PPP1R21: variants seen among roughly 807,000 people sequenced by gnomAD.
The protein encoded by PPP1R21 is protein phosphatase 1 regulatory subunit 21.
Under a neutral mutation model 112.8 loss-of-function variants are expected in PPP1R21, and 85 were observed. The observed-to-expected ratio is 0.75, with a 90% CI of 0.63 to 0.90. The LOEUF (loss-of-function observed/expected upper bound fraction) is 0.90, where lower values mean the gene tolerates loss of function less well. PPP1R21 is among the 40% of genes least tolerant of loss of function. The pLI, the probability that PPP1R21 is intolerant of heterozygous loss-of-function variation, is 0.00. For synonymous variants in PPP1R21, 381 were observed against 322.3 expected (o/e 1.18, Z -1.95); for missense variants, 1,199 against 901.5 (o/e 1.33, Z -4.23).
At chr2:48,490,929 C>A in intron 14 of PPP1R21, 89 bp from the exon 15 acceptor site, 1 of 1,162,116 alleles carries the variant, frequency 8.6e-7, no homozygotes, top group Non-Finnish European at 1.2e-6. Flanking sequence ...TTCTCAACAT[C>A]TTTAAACTTT....
intron 14 of PPP1R21, 59 bp downstream of exon 14, chr2:48,486,817 A>G: frequency 6.5e-7 from 1 of 1,543,022 alleles, no homozygotes; most frequent in Non-Finnish European, 8.8e-7. Context: ...TTTTTTTCTG[A>G]GGGACATAGG....
In PPP1R21 at chr2:48,471,107, A is replaced by G; in HGVS notation, c.918A>G (p.Glu306=). The G allele has an allele frequency of 6.2e-7, 1 of 1,611,366 alleles. No homozygotes were observed. Among genetic ancestry groups the G allele is most frequent in the South Asian group, 1.1e-5 (1 of 91,024 alleles). ...TTTAGTTCTCACAATACCTTCATGA[A>G]AATGCGTCCTATGTCCGCCCTCTTG... ...LNQKFSQYLH[E]NASYVRPLEE... Residue 306 remains glutamate (E), a synonymous_variant, in exon 10 of 22, where the codon GAA becomes GAG. Transcript: ENST00000294952.
intron 17 of PPP1R21, among the ~76,000 whole-genome samples, chr2:48,500,934 A>T (rs1418834223): frequency 6.6e-6 from 1 of 152,082 alleles, no homozygotes; most frequent in Non-Finnish European, 1.5e-5. Flanking sequence ...CAAAGAAACA[A>T]AAAGAATACC....
chr2:48,515,028 G>T lies in PPP1R21; in HGVS notation c.*284G>T. On this transcript the variant is annotated 3_prime_UTR_variant, in exon 22 of 22. Coordinates refer to ENST00000294952, the MANE Select transcript of PPP1R21 (RefSeq NM_001135629.3). ...TTTTACTGTGCACTTTTTAAAATTAGGTTTTAATTTCAGTATGTAAGAACA... is the reference window on the plus strand; with the variant it reads ...TTTTACTGTGCACTTTTTAAAATTATGTTTTAATTTCAGTATGTAAGAACA... The T allele has an allele frequency of 5.3e-6, 2 of 378,226 alleles. No individual in the cohort carries two copies. Among genetic ancestry groups the T allele is most frequent in the Non-Finnish European group, 9.3e-6 (2 of 214,030 alleles). 23.4% of individuals were successfully genotyped at this position (378,226 alleles called of 1,614,324 possible).
chr2:48,461,171 G>A lies in PPP1R21; in HGVS notation c.633G>A (p.Leu211=). ...AGTTAAAGACTCTTCATGAAGATTT[G>A]TCAGGTAGATTAGAGGAATCCTTAT... is the stretch of plus-strand genomic sequence containing the variant. ...QLQLKTLHED[L]SGRLEESLSI... Residue 211 remains leucine (L), a synonymous_variant, in exon 7 of 22, where the codon TTG becomes TTA. Transcript: ENST00000294952. 1 of 1,568,460 alleles carries A rather than the reference G, an allele frequency of 6.4e-7. No homozygotes were observed. The highest frequency in any genetic ancestry group is 8.6e-7 in the Non-Finnish European group (1 of 1,164,220).
chr2:48,473,939 A>C (rs918366474), intron 11 of PPP1R21, among the ~76,000 whole-genome samples: 1 of 152,198 alleles, frequency 6.6e-6, no homozygotes, highest in Non-Finnish European at 1.5e-5. Flanking sequence ...TGGCTTTGGA[A>C]AAACTATGTG....
At chr2:48,442,642 G>T (rs1667085081) in intron 1 of PPP1R21, among the ~76,000 whole-genome samples, 1 of 152,160 alleles carries the variant, frequency 6.6e-6, no homozygotes, top group Non-Finnish European at 1.5e-5. Flanking sequence ...AGTTCAGTGG[G>T]ACTACCGAAG....
In PPP1R21 at chr2:48,454,691, C is replaced by G. The variant is rs770948633; in HGVS notation, c.223C>G (p.Leu75Val). The change falls in exon 3 of 22, where the codon CTA becomes GTA. Residue 75 changes from leucine (L) to valine (V), a missense_variant. Leu to Val is a conservative substitution (Grantham distance 32). Transcript: ENST00000294952. Reference sequence around the variant, plus strand: ...TCTGCAGCTTGCCAAGAGGGTAGAACTACTTCAAGATGAACTAGCTCTAAG... The same window carrying G: ...TCTGCAGCTTGCCAAGAGGGTAGAAGTACTTCAAGATGAACTAGCTCTAAG... ...RNLQLAKRVE[L>V]LQDELALSEP... The G allele has an allele frequency of 1.1e-5, 17 of 1,614,122 alleles. No homozygotes were observed. The highest frequency in any genetic ancestry group is 1.6e-4 in the Middle Eastern group (1 of 6,062).
intron 21 of PPP1R21, among the ~76,000 whole-genome samples, chr2:48,513,952 C>A (rs184810144): frequency 9.1e-4 from 138 of 152,168 alleles, no homozygotes; most frequent in African/African-American, 3.2e-3. Context: ...AGCCAGTATC[C>A]AAGCTGACTT....
intron 18 of PPP1R21, among the ~76,000 whole-genome samples, chr2:48,506,169 A>C (rs1005278300): frequency 1.3e-5 from 2 of 152,232 alleles, no homozygotes; most frequent in Non-Finnish European, 2.9e-5. Context: ...ATCTCAGCTT[A>C]CTGCAACCTC....
At chr2:48,463,337 C>T (rs919375103) in intron 7 of PPP1R21, among the ~76,000 whole-genome samples, 3 of 152,114 alleles carry the variant, frequency 2.0e-5, no homozygotes, top group Admixed American at 1.3e-4. Flanking sequence ...GTCAGTTCTG[C>T]GCATTGCTGT....
intron 16 of PPP1R21, among the ~76,000 whole-genome samples, chr2:48,496,341 C>G (rs1255603314): frequency 6.6e-6 from 1 of 152,216 alleles, no homozygotes; most frequent in Non-Finnish European, 1.5e-5. Flanking sequence ...TAGGGCAGGA[C>G]TCTAATCTGA....
intron 16 of PPP1R21, 32 bp from the exon 17 acceptor site, chr2:48,498,461 C>T (rs377408354): frequency 1.3e-5 from 21 of 1,611,054 alleles, no homozygotes; most frequent in Middle Eastern, 1.7e-4. Context: ...CTGTATTAGT[C>T]TCTAAGATAC....
chr2:48,468,349 T>G (rs1245783571), intron 9 of PPP1R21, among the ~76,000 whole-genome samples: 1 of 152,164 alleles, frequency 6.6e-6, no homozygotes, highest in Non-Finnish European at 1.5e-5. Context: ...TTCATCAATT[T>G]TGGTCTGACT....
At chr2:48,492,950 A>G (rs983642478) in intron 15 of PPP1R21, among the ~76,000 whole-genome samples, 2 of 151,840 alleles carry the variant, frequency 1.3e-5, no homozygotes, top group African/African-American at 4.8e-5. Flanking sequence ...AATGAGGTGG[A>G]ACATCCTTTC....
intron 7 of PPP1R21, among the ~76,000 whole-genome samples, chr2:48,463,911 G>T (rs1032544675): frequency 2.0e-5 from 3 of 152,044 alleles, no homozygotes; most frequent in Non-Finnish European, 4.4e-5. Context: ...CCATTGGGTA[G>T]TGGAGAGGAG....
chr2:48,477,773 A>C (rs919156166), intron 12 of PPP1R21, among the ~76,000 whole-genome samples: 1 of 151,076 alleles, frequency 6.6e-6, no homozygotes, highest in African/African-American at 2.4e-5. Context: ...GTCAGTTGGG[A>C]TTCTGATAGG....
At chr2:48,479,529 G>A (rs1668909505) in intron 12 of PPP1R21, 1 of 477,216 alleles carries the variant, frequency 2.1e-6, no homozygotes. Flanking sequence ...ACGCTGACAT[G>A]GCAGAAGCAG....
rs1669814933 is a variant in PPP1R21, at chr2:48,495,921, A to G, written c.1692+150A>G. The G allele has an allele frequency of 1.5e-4, 82 of 550,232 alleles. 1 individual carries two copies. In the South Asian group the frequency reaches 2.0e-3, roughly 14 times the overall value. The allele number at this position is 550,232 out of a possible 1,614,324, so 34.1% of individuals were successfully genotyped here. ...TTAATACATACTAAAAAGCAAATAG[A>G]CATAATTTGTTGAAAAACATGTGTT... On this transcript the variant is annotated intron_variant, in intron 16 of 21. Coordinates refer to ENST00000294952, the MANE Select transcript of PPP1R21 (RefSeq NM_001135629.3).
Sources: allele counts gnomAD v4.1 joint callset (sites outside exome capture counted in the v4.1 genomes callset), GRCh38; gene constraint gnomAD v4.1.1; transcripts MANE v1.5; gene names NCBI Gene and HGNC (gene_info 2026-07-23, HGNC 2026-07-21).